RAD51: variants seen among roughly 807,000 people sequenced by gnomAD.
The protein encoded by RAD51 is DNA repair protein RAD51 homolog 1.
Under a neutral mutation model 41.5 loss-of-function variants are expected in RAD51, and 14 were observed. That is an observed-to-expected ratio of 0.34 (90% CI 0.22 to 0.53). The LOEUF (loss-of-function observed/expected upper bound fraction) is 0.53, where lower values mean the gene tolerates loss of function less well. Ranked by LOEUF, RAD51 falls within the 20% of genes least tolerant of loss-of-function variation. The pLI is 0.95. For missense variants in RAD51, 234 were observed against 422.0 expected (o/e 0.55, Z 3.90); for synonymous variants, 136 against 148.6 (o/e 0.92, Z 0.62).
chr15:40,730,287 A>G (rs1337431791), intron 9 of RAD51, among the ~76,000 whole-genome samples: 1 of 152,170 alleles, frequency 6.6e-6, no homozygotes, highest in South Asian at 2.1e-4. Context: ...AGGTGATAGG[A>G]TGGTTTGAGG....
chr15:40,716,197 A>G (rs373542737), intron 5 of RAD51, among the ~76,000 whole-genome samples: 4 of 152,328 alleles, frequency 2.6e-5, no homozygotes, highest in African/African-American at 9.6e-5. Context: ...ACAATCCCAT[A>G]AGGTCGGTTT....
chr15:40,709,228 C>A, intron 5 of RAD51, 112 bp downstream of exon 5: 2 of 897,198 alleles, frequency 2.2e-6, no homozygotes, highest in South Asian at 1.4e-5. Context: ...CCTCAAGAAT[C>A]TTATAGCTGT....
At chr15:40,696,723 A>G (rs1355038666) in intron 1 of RAD51, among the ~76,000 whole-genome samples, 1 of 152,268 alleles carries the variant, frequency 6.6e-6, no homozygotes, top group Non-Finnish European at 1.5e-5. Context: ...ATAAAAATAC[A>G]TCAGGAGTGT....
intron 6 of RAD51, among the ~76,000 whole-genome samples, chr15:40,727,308 C>CGTCT (rs1567053866): frequency 6.6e-6 from 1 of 151,134 alleles, no homozygotes; most frequent in African/African-American, 2.4e-5. Flanking sequence ...TTTTTTTGTT[C>CGTCT]GTTTGTTTGT....
intron 5 of RAD51, among the ~76,000 whole-genome samples, chr15:40,710,241 C>CAAAAAAAAAAAAAAAAA (rs71104728): frequency 1.8e-4 from 8 of 44,302 alleles, no homozygotes; most frequent in Non-Finnish European, 1.8e-4. Flanking sequence ...GACTCTGTCT[C>CAAAAAAAAAAAAAAAAA]AAAAAAAAAA....
intron 5 of RAD51, among the ~76,000 whole-genome samples, chr15:40,713,549 TGTC>T (rs1285486424): frequency 8.4e-5 from 9 of 107,376 alleles, no homozygotes; most frequent in African/African-American, 2.4e-4. Context: ...GGCTTTTTGT[TGTC>T]ATTTTAATTG....
At chr15:40,730,380 T>C (rs1267863425) in intron 9 of RAD51, among the ~76,000 whole-genome samples, 1 of 148,944 alleles carries the variant, frequency 6.7e-6, no homozygotes, top group East Asian at 2.1e-4. Flanking sequence ...GGCGTGTGCC[T>C]GTAGTCTTAG....
At chr15:40,701,776 A>ATTTTTTTTTT (rs35383252) in intron 3 of RAD51, 1 of 132,002 alleles carries the variant, frequency 7.6e-6, no homozygotes, top group African/African-American at 6.2e-5. Context: ...TATAAAGCAG[A>ATTTTTTTTTT]TTTTTTTTTT....
intron 4 of RAD51, among the ~76,000 whole-genome samples, chr15:40,706,750 C>T (rs1895368607): frequency 6.6e-6 from 1 of 152,130 alleles, no homozygotes. Flanking sequence ...GGTAAGACTG[C>T]TGCAAGGTAG....
intron 5 of RAD51, among the ~76,000 whole-genome samples, chr15:40,711,708 A>G (rs1567044542): frequency 6.6e-6 from 1 of 152,202 alleles, no homozygotes; most frequent in Non-Finnish European, 1.5e-5. Context: ...TTAGAAGGAA[A>G]AGACAATAAA....
At chr15:40,730,534 T>TTTTC in intron 9 of RAD51, among the ~76,000 whole-genome samples, 1 of 43,726 alleles carries the variant, frequency 2.3e-5, no homozygotes, top group East Asian at 2.0e-3. Flanking sequence ...TTTTTTTTTT[T>TTTTC]TTTTTGAGAT....
At chr15:40,703,725 G>A (rs756133319) in intron 3 of RAD51, among the ~76,000 whole-genome samples, 1 of 151,590 alleles carries the variant, frequency 6.6e-6, no homozygotes, top group Non-Finnish European at 1.5e-5. Context: ...TTTTTCTCGG[G>A]CAATGCAGCT....
intron 5 of RAD51, among the ~76,000 whole-genome samples, chr15:40,709,917 C>G (rs1895582552): frequency 6.6e-6 from 1 of 151,910 alleles, no homozygotes; most frequent in African/African-American, 2.4e-5. Flanking sequence ...AATCCCAGTA[C>G]TTTGGGAGGC....
intron 4 of RAD51, among the ~76,000 whole-genome samples, chr15:40,707,150 ATTTTTTTTTT>A (rs751900607): frequency 1.3e-4 from 12 of 93,622 alleles, no homozygotes; most frequent in South Asian, 7.5e-4. Context: ...CACCTGGCTA[ATTTTTTTTTT>A]TTTTTTTTTT....
chr15:40,723,416 A>T (rs939575973), intron 6 of RAD51, among the ~76,000 whole-genome samples: 1 of 152,228 alleles, frequency 6.6e-6, no homozygotes, highest in Non-Finnish European at 1.5e-5. Flanking sequence ...TCATTATAAT[A>T]GCCCAAAATG....
rs1380929806 is a variant in RAD51, at chr15:40,728,695, C to G, written c.531-16C>G. ...GTTCTGTGTGCAGCCTAAAAATGTT[C>G]TCTCCTCTCTCATAGGTATGGTCTC... On this transcript the variant is annotated splice_polypyrimidine_tract_variant and intron_variant, in intron 6 of 9. Transcript: ENST00000267868. 2.5e-6 allele frequency: 4 copies of G among 1,604,794 alleles called. No homozygotes were observed. The highest frequency in any genetic ancestry group is 2.7e-5 in the African/African-American group (2 of 74,688).
intron 5 of RAD51, among the ~76,000 whole-genome samples, chr15:40,718,467 G>A (rs1285662201): frequency 7.5e-6 from 1 of 133,506 alleles, no homozygotes; most frequent in African/African-American, 2.8e-5. Flanking sequence ...GCAGTGAACC[G>A]AGATAACGCC....
At chr15:40,728,967 G>C (rs1435431374) in intron 7 of RAD51, 143 bp downstream of exon 7, 1 of 751,690 alleles carries the variant, frequency 1.3e-6, no homozygotes, top group Non-Finnish European at 2.3e-6. Flanking sequence ...CTCTTGCTTT[G>C]TAGTTTAGGT....
At chr15:40,700,971 C>A in intron 2 of RAD51, 93 bp from the exon 3 acceptor site, 14 of 1,009,712 alleles carry the variant, frequency 1.4e-5, no homozygotes, top group South Asian at 2.6e-5. Flanking sequence ...TACAAGTCTT[C>A]AAGCACCTCT....
Sources: allele counts gnomAD v4.1 joint callset (sites outside exome capture counted in the v4.1 genomes callset), GRCh38; gene constraint gnomAD v4.1.1; transcripts MANE v1.5; gene names NCBI Gene and HGNC (gene_info 2026-07-23, HGNC 2026-07-21).